The following KIF1A variants were observed in gnomAD, a reference collection of about 807,000 sequenced individuals.
KIF1A encodes kinesin family member 1A, also known as kinesin-like protein KIF1A.
A neutral mutation model predicts 227.3 loss-of-function variants in KIF1A; 46 were observed. That is an observed-to-expected ratio of 0.20 (90% CI 0.16 to 0.26). KIF1A has a LOEUF of 0.26. Among genes scored for constraint, KIF1A ranks in the 10% least tolerant of loss-of-function variants. KIF1A has a pLI of 1.00. For missense variants in KIF1A, 1,683 were observed against 2,485.9 expected (o/e 0.68, Z 6.87); for synonymous variants, 1,022 against 1,012.8 (o/e 1.01, Z -0.17).
intron 29 of KIF1A, 32 bp downstream of exon 29, chr2:240,747,204 C>G (rs766803915): frequency 6.4e-7 from 1 of 1,566,356 alleles, no homozygotes; most frequent in Admixed American, 1.7e-5. Context: ...CCAGGCACCT[C>G]CAGGTCTGGG....
intron 27 of KIF1A, among the ~76,000 whole-genome samples, chr2:240,751,400 C>T (rs2049190846): frequency 1.3e-5 from 2 of 152,178 alleles, no homozygotes; most frequent in East Asian, 1.9e-4. Context: ...CCCTCGATTC[C>T]AGAGCAGATA....
At chr2:240,807,499 A>G (rs2057533596) in intron 1 of KIF1A, among the ~76,000 whole-genome samples, 1 of 152,196 alleles carries the variant, frequency 6.6e-6, no homozygotes. Flanking sequence ...TACAATGTGA[A>G]TGCTATGTAT....
At chr2:240,748,774 C>T (rs766465474) in intron 28 of KIF1A, 12 of 213,598 alleles carry the variant, frequency 5.6e-5, no homozygotes, top group Non-Finnish European at 1.2e-4. Context: ...CAAGCAATGA[C>T]ATGGCCAGTG....
Position 240,725,580 on chromosome 2 carries a change from A to C in KIF1A, c.4123-176T>G. Reference sequence around the variant, plus strand: ...GAAAGTCTCTGCTCCTGCCCTCGAGAAAACCCCACTGGGGACAGGTAGCCA... The same window carrying C: ...GAAAGTCTCTGCTCCTGCCCTCGAGCAAACCCCACTGGGGACAGGTAGCCA... On this transcript the variant is annotated intron_variant, in intron 39 of 48. Coordinates refer to ENST00000498729, the MANE Select transcript of KIF1A (RefSeq NM_001244008.2). This position sits in a 1 kb window ranked among gnomAD's most constrained non-coding sequence, Gnocchi z 5.8. The C allele has an allele frequency of 1.5e-6, 1 of 651,246 alleles. No individual in the cohort carries two copies. Among genetic ancestry groups the C allele is most frequent in the Non-Finnish European group, 2.6e-6 (1 of 389,378 alleles). The allele number at this position is 651,246 out of a possible 1,614,324, so 40.3% of individuals were successfully genotyped here.
intron 1 of KIF1A, among the ~76,000 whole-genome samples, chr2:240,802,118 G>A (rs537926964): frequency 1.8e-4 from 27 of 146,436 alleles, no homozygotes; most frequent in African/African-American, 6.5e-4. Context: ...AAAAAAGCAT[G>A]TAACCTTTAA....
In KIF1A at chr2:240,787,334, C is replaced by A; in HGVS notation, c.364-18G>T. The A allele has an allele frequency of 1.2e-6, 2 of 1,611,232 alleles. No homozygotes were observed. The highest frequency in any genetic ancestry group is 1.7e-6 in the Non-Finnish European group (2 of 1,178,108). On this transcript the variant is annotated intron_variant, in intron 4 of 48. Transcript: ENST00000498729. ...TCGCAGAGCTGCAGGAATGGGGGGA[C>A]AGTCAGCCAGGGAGGGCTGGGGCTG... is the stretch of plus-strand genomic sequence containing the variant.
rs78315154 is a variant in KIF1A, at chr2:240,788,486, T to G, written c.184-256A>C. On this transcript the variant is annotated intron_variant, in intron 3 of 48. Coordinates refer to ENST00000498729, the MANE Select transcript of KIF1A (RefSeq NM_001244008.2). The surrounding 1 kb of genome is among the most constrained non-coding windows in gnomAD (Gnocchi z 6.6). ...ACGGGTTCCAGCAGAGGGAACAGCA[T>G]GTGAAAGGCCCAGAGGTGAGACCTC... Among the ~76,000 whole-genome samples, 1,337 of 151,972 alleles carry G rather than the reference T, an allele frequency of 8.8e-3. 28 individuals are homozygous for G. The highest frequency in any genetic ancestry group is 0.031 in the African/African-American group (1,292 of 41,422).
chr2:240,772,620 G>A, intron 13 of KIF1A, 24 bp from the exon 14 acceptor site: 1 of 1,523,084 alleles, frequency 6.6e-7, no homozygotes, highest in Non-Finnish European at 8.9e-7. Flanking sequence ...AAGCGTGGGG[G>A]AGGGGGAGAG....
chr2:240,820,762 G>A (rs1187323332), upstream of KIF1A, among the ~76,000 whole-genome samples: 1 of 151,770 alleles, frequency 6.6e-6, no homozygotes, highest in Admixed American at 6.5e-5. The surrounding 1 kb of genome is among the most constrained non-coding windows in gnomAD (Gnocchi z 6.2). Flanking sequence ...CTTGTGTCGG[G>A]GCCGGGGCGC....
chr2:240,751,505 C>T (rs2049202351), intron 27 of KIF1A, among the ~76,000 whole-genome samples: 1 of 152,138 alleles, frequency 6.6e-6, no homozygotes, highest in African/African-American at 2.4e-5. Flanking sequence ...CCCTAATACC[C>T]CTGACCTTCC....
chr2:240,767,438 T>C, intron 17 of KIF1A, 93 bp from the exon 18 acceptor site: 1 of 1,048,886 alleles, frequency 9.5e-7, no homozygotes, highest in Non-Finnish European at 1.4e-6. Flanking sequence ...GGCACCAGAC[T>C]ACCACCAGGG....
chr2:240,773,178 C>T lies in KIF1A; in HGVS notation c.1116G>A (p.Leu372=). 1 of 1,614,002 alleles carries T rather than the reference C, an allele frequency of 6.2e-7. No individual in the cohort carries two copies. The highest frequency in any genetic ancestry group is 8.5e-7 in the Non-Finnish European group (1 of 1,179,854). Residue 372 remains leucine, a synonymous_variant, in exon 13 of 49, where the codon CTG becomes CTA. Transcript: ENST00000498729. ...CCCGCAGCCGGGTCACCTCATCCTTCAGCTCGCGGATCAGCTTGTTGTTGG... is the reference window on the plus strand; with the variant it reads ...CCCGCAGCCGGGTCACCTCATCCTTTAGCTCGCGGATCAGCTTGTTGTTGG... ...EDPNNKLIRE[L]KDEVTRLRDL...
Position 240,775,709 on chromosome 2 carries a change from G to A in KIF1A, c.958+142C>T, listed in dbSNP as rs2052638678. ...CTCCAGAAGGGCCACGAACTGACTG[G>A]ACCCTCCAGGTTCACCTCCCAGCCT... On this transcript the variant is annotated intron_variant, in intron 11 of 48. Coordinates refer to ENST00000498729, the MANE Select transcript of KIF1A (RefSeq NM_001244008.2). This position sits in a 1 kb window ranked among gnomAD's most constrained non-coding sequence, Gnocchi z 5.5. The A allele has an allele frequency of 3.1e-6, 2 of 647,026 alleles. No homozygotes were observed. Among genetic ancestry groups the A allele is most frequent in the Non-Finnish European group, 5.6e-6 (2 of 354,178 alleles). The allele number at this position is 647,026 out of a possible 1,614,324, so 40.1% of individuals were successfully genotyped here. A position where few individuals can be genotyped will look rare whatever the true frequency, so the allele number is the denominator to read the frequency against.
intron 42 of KIF1A, among the ~76,000 whole-genome samples, 176 bp from the exon 43 acceptor site, chr2:240,722,832 C>T (rs956553862): frequency 2.6e-5 from 4 of 152,142 alleles, no homozygotes; most frequent in African/African-American, 9.7e-5. Flanking sequence ...GACCCTGGCG[C>T]CCCGGGGCTG....
chr2:240,796,937 C>T (rs1026368157), intron 2 of KIF1A, among the ~76,000 whole-genome samples: 1 of 151,430 alleles, frequency 6.6e-6, no homozygotes, highest in African/African-American at 2.5e-5. Context: ...TAGATGAGGG[C>T]ATGTCGGATG....
intron 1 of KIF1A, among the ~76,000 whole-genome samples, chr2:240,818,127 C>G (rs1316312882): frequency 6.6e-6 from 1 of 152,206 alleles, no homozygotes; most frequent in Admixed American, 6.5e-5. Flanking sequence ...GCCCTCACCA[C>G]AGGGACCTCC....
At chr2:240,800,310 A>G (rs2126165126) in intron 1 of KIF1A, among the ~76,000 whole-genome samples, 1 of 152,292 alleles carries the variant, frequency 6.6e-6, no homozygotes, top group Non-Finnish European at 1.5e-5. Flanking sequence ...GGTATGGAAT[A>G]TGCACACCAC....
In KIF1A at chr2:240,765,723, G is replaced by A. The variant is rs779070550; in HGVS notation, c.1755C>T (p.Ser585=). 4.3e-6 allele frequency: 7 copies of A among 1,613,388 alleles called. 1 individual carries two copies. In the South Asian group the frequency reaches 7.7e-5, roughly 18 times the overall value. Residue 585 remains serine (S), a synonymous_variant, in exon 20 of 49, where the codon AGC becomes AGT. Coordinates refer to ENST00000498729, the MANE Select transcript of KIF1A (RefSeq NM_001244008.2). ...CCCCAGCCATACCTGAACGCAGGATGCTGGGCTCTGTGACTTTCTTGCCAT... is the reference window on the plus strand; with the variant it reads ...CCCCAGCCATACCTGAACGCAGGATACTGGGCTCTGTGACTTTCTTGCCAT... ...YVNGKKVTEP[S]ILRSGNRIIM... is the part of the protein sequence containing the mutation.
chr2:240,733,934 T>C (rs965497797), intron 38 of KIF1A, among the ~76,000 whole-genome samples: 1 of 152,242 alleles, frequency 6.6e-6, no homozygotes, highest in African/African-American at 2.4e-5. Flanking sequence ...ATTAGGGACT[T>C]GGAGGCCCTC....
Sources: gnomAD v4.1 joint callset for allele counts (sites outside exome capture counted in the v4.1 genomes callset) on GRCh38, gnomAD v4.1.1 for gene constraint, Gnocchi (gnomAD v3.1) non-coding constraint, MANE v1.5 for transcripts, NCBI Gene and HGNC (gene_info 2026-07-23, HGNC 2026-07-21) for gene names.